SPAG9: variants seen among roughly 807,000 people sequenced by gnomAD.
The protein encoded by SPAG9 is C-Jun-amino-terminal kinase-interacting protein 4.
Under a neutral mutation model 166.5 loss-of-function variants are expected in SPAG9, and 35 were observed. The ratio of observed to expected loss-of-function variants is 0.21; its 90% CI spans 0.16 to 0.28. SPAG9 has a LOEUF of 0.28. SPAG9 is among the 10% of genes least tolerant of loss of function. SPAG9 has a pLI of 1.00. For missense variants in SPAG9, 1,235 were observed against 1,603.3 expected (o/e 0.77, Z 3.92); for synonymous variants, 534 against 565.5 (o/e 0.94, Z 0.79).
intron 1 of SPAG9, among the ~76,000 whole-genome samples, chr17:51,099,231 T>C (rs984280103): frequency 1.3e-5 from 2 of 151,372 alleles, no homozygotes; most frequent in Non-Finnish European, 2.9e-5. Flanking sequence ...GTCAGCAGTT[T>C]GAGACCAGCC....
intron 12 of SPAG9, among the ~76,000 whole-genome samples, chr17:51,002,116 A>T (rs2044981067): frequency 6.6e-6 from 1 of 152,130 alleles, no homozygotes; most frequent in South Asian, 2.1e-4. Flanking sequence ...TCTGGGTTAA[A>T]GCAATCTGCC....
rs1308713595 is a variant in SPAG9, at chr17:51,095,845, GAT to G, written c.304-16143_304-16142del. On this transcript the variant is annotated intron_variant, in intron 1 of 29. Coordinates refer to ENST00000262013, the MANE Select transcript of SPAG9 (RefSeq NM_001130528.3). The stretch of plus-strand genomic sequence containing the variant: ...AGGGAGAGATATAGAGATATATAGT[GAT>G]ATATATAGTGATATATATATAGTGA... 2.8e-5 allele frequency among the ~76,000 whole-genome samples: 4 copies of G among 143,084 alleles called. 1 individual carries two copies. The highest frequency in any genetic ancestry group is 4.3e-4 in the South Asian group (2 of 4,640). The allele number at this position is 143,084 out of a possible 152,430, so 93.9% of individuals were successfully genotyped here.
At chr17:51,069,964 C>T (rs2047776817) in intron 2 of SPAG9, among the ~76,000 whole-genome samples, 2 of 151,928 alleles carry the variant, frequency 1.3e-5, no homozygotes, top group African/African-American at 2.4e-5. Context: ...AATATAACAG[C>T]TTAAAATCAC....
intron 19 of SPAG9, among the ~76,000 whole-genome samples, chr17:50,991,361 A>G (rs1362034702): frequency 6.6e-6 from 1 of 152,148 alleles, no homozygotes; most frequent in East Asian, 1.9e-4. Flanking sequence ...TAAATGCCCC[A>G]AGTATATAGG....
chr17:51,069,931 G>A (rs1267082244), intron 2 of SPAG9, among the ~76,000 whole-genome samples: 1 of 152,096 alleles, frequency 6.6e-6, no homozygotes, highest in Non-Finnish European at 1.5e-5. Context: ...AAGGAAGGAA[G>A]GGCGGAATTA....
Position 51,079,958 on chromosome 17 carries a change from C to T in SPAG9, c.304-254G>A, listed in dbSNP as rs192479916. ...TCCATATGATATACATATCTTACTA[C>T]AAATATATAAACCCTTTTGTATACT... On this transcript the variant is annotated intron_variant, in intron 1 of 29. Transcript: ENST00000262013. 2.0e-5 allele frequency among the ~76,000 whole-genome samples: 3 copies of T among 152,278 alleles called. No individual in the cohort carries two copies. The East Asian group carries it at 5.8e-4, about 29-fold the overall frequency.
In SPAG9 at chr17:51,021,151, C is replaced by G. The variant is rs1439182037; in HGVS notation, c.991+7G>C. The G allele has an allele frequency of 6.2e-7, 1 of 1,609,756 alleles. No homozygotes were observed. The highest frequency in any genetic ancestry group is 1.7e-5 in the Admixed American group (1 of 60,012). On this transcript the variant is annotated splice_region_variant and intron_variant, in intron 7 of 29. Coordinates refer to ENST00000262013, the MANE Select transcript of SPAG9 (RefSeq NM_001130528.3). ...TTCCTAGTAAGTAAAGAACTAGGGT[C>G]ACTCACCAGTAGATACATTTCTAGT...
chr17:50,998,966 T>C (rs767056925), intron 14 of SPAG9, among the ~76,000 whole-genome samples: 15 of 152,222 alleles, frequency 9.9e-5, no homozygotes, highest in Non-Finnish European at 1.5e-4. Context: ...GTAAGAGCGA[T>C]TGTTAAACCG....
chr17:51,059,201 T>C lies in SPAG9; in HGVS notation c.425-2719A>G, dbSNP rs191491199. 3.3e-5 allele frequency among the ~76,000 whole-genome samples: 5 copies of C among 152,214 alleles called. No homozygotes were observed. In the East Asian group the frequency reaches 9.7e-4, roughly 29 times the overall value. On this transcript the variant is annotated intron_variant, in intron 2 of 29. Transcript: ENST00000262013. ...TCTGAAATGTTACAAGTCAGGATAG[T>C]AGTTACCTCTGGGGAGGAGTCAGTG...
intron 2 of SPAG9, among the ~76,000 whole-genome samples, chr17:51,061,015 T>C (rs896532191): frequency 5.9e-5 from 9 of 151,566 alleles, no homozygotes; most frequent in African/African-American, 1.5e-4. Context: ...ATCCAGCTAA[T>C]TTTTGTATTT....
At chr17:51,079,344 T>C (rs2048100816) in intron 2 of SPAG9, among the ~76,000 whole-genome samples, 2 of 152,032 alleles carry the variant, frequency 1.3e-5, no homozygotes, top group African/African-American at 4.8e-5. Flanking sequence ...ATTCAAATGG[T>C]TCTCGTGCCT....
chr17:51,007,982 T>C (rs1317343038), intron 9 of SPAG9: 2 of 303,062 alleles, frequency 6.6e-6, no homozygotes, highest in African/African-American at 2.2e-5. Context: ...GGAATCACAA[T>C]GTTATGATTT....
chr17:50,990,769 G>A, intron 19 of SPAG9, 101 bp from the exon 20 acceptor site: 1 of 846,722 alleles, frequency 1.2e-6, no homozygotes, highest in Non-Finnish European at 1.9e-6. Flanking sequence ...ATGCAGGTGA[G>A]ATGTACAGGT....
chr17:51,007,226 A>C (rs373642423), intron 10 of SPAG9, 43 bp downstream of exon 10: 9 of 1,166,780 alleles, frequency 7.7e-6, no homozygotes, highest in Non-Finnish European at 1.1e-5. Context: ...CTTGGACAAG[A>C]AGAAAATTCT....
At chr17:51,021,543 G>A (rs1197000002) in intron 6 of SPAG9, among the ~76,000 whole-genome samples, 178 bp from the exon 7 acceptor site, 1 of 151,404 alleles carries the variant, frequency 6.6e-6, no homozygotes, top group Non-Finnish European at 1.5e-5. Flanking sequence ...CAAATAATCG[G>A]GAAATATTTA....
Position 50,963,348 on chromosome 17 carries a change from C to T in SPAG9, c.*2924G>A, listed in dbSNP as rs1047468810. On this transcript the variant is annotated 3_prime_UTR_variant, in exon 30 of 30. Transcript: ENST00000262013. Reference sequence around the variant, plus strand: ...TGGCATTTTCTTCCAAAAATTACCACGTTGACCAAAGTAAACATTACAAGA... The same window carrying T: ...TGGCATTTTCTTCCAAAAATTACCATGTTGACCAAAGTAAACATTACAAGA... 6.6e-6 allele frequency: 1 copy of T among 152,120 alleles called. No homozygotes were observed. The highest frequency in any genetic ancestry group is 2.4e-5 in the African/African-American group (1 of 41,420). 9.4% of individuals were successfully genotyped at this position (152,120 alleles called of 1,614,324 possible).
At chr17:51,099,745 T>A (rs1598180761) in intron 1 of SPAG9, among the ~76,000 whole-genome samples, 1 of 100,712 alleles carries the variant, frequency 9.9e-6, no homozygotes, top group African/African-American at 3.9e-5. Flanking sequence ...GTTATGAAAA[T>A]ATTCTTCTAT....
At chr17:51,036,860 A>G (rs2144346782) in intron 5 of SPAG9, among the ~76,000 whole-genome samples, 1 of 152,326 alleles carries the variant, frequency 6.6e-6, no homozygotes, top group East Asian at 1.9e-4. Flanking sequence ...TTGTGCAGAA[A>G]GGAAAGAGAA....
At position 51,020,181 on chromosome 17, in the gene SPAG9, G is replaced by A. The variant is rs764267223; in HGVS notation, c.1069C>T (p.Leu357Phe). ...STPELDMDKD[L>F]SGYKGSSTPT... is the part of the protein sequence containing the mutation. Reference sequence around the variant, plus strand: ...TACCTTGAACCTTTATATCCACTGAGATCTTTGTCCATATCCAGCTCAGGA... The same window carrying A: ...TACCTTGAACCTTTATATCCACTGAAATCTTTGTCCATATCCAGCTCAGGA... Residue 357 changes from leucine (L) to phenylalanine (F), a missense_variant, in exon 8 of 30, where the codon CTC (leucine) becomes TTC (phenylalanine). Transcript: ENST00000262013. 4 of 1,611,770 alleles carry A rather than the reference G, an allele frequency of 2.5e-6. No individual in the cohort carries two copies. The East Asian group carries it at 6.7e-5, about 27-fold the overall frequency.
Sources: gnomAD v4.1 joint callset for allele counts (sites outside exome capture counted in the v4.1 genomes callset) on GRCh38, gnomAD v4.1.1 for gene constraint, MANE v1.5 for transcripts, NCBI Gene and HGNC (gene_info 2026-07-23, HGNC 2026-07-21) for gene names.